Variants in ADAM2 observed in about 807,000 individuals in gnomAD.
The protein encoded by ADAM2 is disintegrin and metalloproteinase domain-containing protein 2.
Under a neutral mutation model 99.3 loss-of-function variants are expected in ADAM2, and 101 were observed. That is an observed-to-expected ratio of 1.02 (90% CI 0.87 to 1.20). ADAM2 has a LOEUF of 1.20. Among genes scored for constraint, ADAM2 ranks in the 50% most tolerant of loss-of-function variants. The pLI is 0.00. For synonymous variants in ADAM2, 323 were observed against 287.6 expected (o/e 1.12, Z -1.25); for missense variants, 948 against 878.7 (o/e 1.08, Z -1.00).
At position 39,777,136 on chromosome 8, in the gene ADAM2, G is replaced by A. The variant is rs768366466; in HGVS notation, c.917C>T (p.Ser306Leu). The A allele has an allele frequency of 6.2e-7, 1 of 1,611,316 alleles. No individual in the cohort carries two copies. Reference sequence around the variant, plus strand: ...TAATTGAGCTAAAATAACTGCAAGTGATTCCAGACTTATGGTTCTGGGGTG... The same window carrying A: ...TAATTGAGCTAAAATAACTGCAAGTAATTCCAGACTTATGGTTCTGGGGTG... Reference protein sequence around the residue: ...VLHPRTISLESLAVILAQLLS... With the variant: ...VLHPRTISLELLAVILAQLLS... The change falls in exon 11 of 21, where the codon TCA (serine) becomes TTA (leucine). Residue 306 changes from serine (S) to leucine (L), a missense_variant. By Grantham distance (145) the Ser-to-Leu change is moderately radical. Coordinates refer to ENST00000265708, the MANE Select transcript of ADAM2 (RefSeq NM_001464.5).
intron 11 of ADAM2, among the ~76,000 whole-genome samples, chr8:39,775,288 T>C (rs981592829): frequency 6.6e-5 from 10 of 152,130 alleles, no homozygotes; most frequent in African/African-American, 2.4e-4. Context: ...AACGCTGTTC[T>C]GGTGGAACTT....
chr8:39,744,690 G>A, intron 20 of ADAM2, 140 bp downstream of exon 20: 1 of 524,206 alleles, frequency 1.9e-6, no homozygotes, highest in Non-Finnish European at 3.3e-6. Flanking sequence ...TGCATGTGGG[G>A]CTTAAAACCT....
chr8:39,795,832 G>A (rs1305370253), intron 7 of ADAM2, among the ~76,000 whole-genome samples: 3 of 152,014 alleles, frequency 2.0e-5, no homozygotes, highest in Non-Finnish European at 4.4e-5. Context: ...GTATAAAGAA[G>A]CTAAAAATAT....
intron 10 of ADAM2, among the ~76,000 whole-genome samples, chr8:39,778,959 AAAC>A (rs1803109288): frequency 6.6e-6 from 1 of 152,074 alleles, no homozygotes; most frequent in Non-Finnish European, 1.5e-5. Flanking sequence ...ACTAAGATGG[AAAC>A]AACAAGATCC....
chr8:39,761,060 C>T, intron 15 of ADAM2, 116 bp downstream of exon 15: 1 of 522,248 alleles, frequency 1.9e-6, no homozygotes, highest in Non-Finnish European at 3.2e-6. Context: ...TTTGAATAAA[C>T]ATGGTCTTAC....
At chr8:39,768,981 T>A (rs1802673125) in intron 12 of ADAM2, among the ~76,000 whole-genome samples, 1 of 152,156 alleles carries the variant, frequency 6.6e-6, no homozygotes, top group African/African-American at 2.4e-5. Flanking sequence ...AAAGGAAAAT[T>A]TTTGAAAAGC....
rs1024733011 is a variant in ADAM2, at chr8:39,774,156, T to C, written c.1028+2869A>G. On this transcript the variant is annotated intron_variant, in intron 11 of 20. Coordinates refer to ENST00000265708, the MANE Select transcript of ADAM2 (RefSeq NM_001464.5). Reference sequence around the variant, plus strand: ...TAATGAAAACTCTGATAAATGAGGGTTACAAAGCTTTCTCAATCTGATTAA... The same window carrying C: ...TAATGAAAACTCTGATAAATGAGGGCTACAAAGCTTTCTCAATCTGATTAA... 2.0e-5 allele frequency among the ~76,000 whole-genome samples: 3 copies of C among 151,870 alleles called. 1 individual carries two copies.
chr8:39,801,455 AG>A (rs535028753), intron 7 of ADAM2, among the ~76,000 whole-genome samples: 1 of 152,042 alleles, frequency 6.6e-6, no homozygotes, highest in East Asian at 1.9e-4. Context: ...ACTCCTCTAT[AG>A]GGGGTCTGAC....
chr8:39,777,057 T>C lies in ADAM2; in HGVS notation c.996A>G (p.Ser332=), dbSNP rs1803018320. 1 of 1,596,538 alleles carries C rather than the reference T, an allele frequency of 6.3e-7. No individual in the cohort carries two copies. Among genetic ancestry groups the C allele is most frequent in the African/African-American group, 1.3e-5 (1 of 74,506 alleles). The change falls in exon 11 of 21, where the codon TCA becomes TCG. Residue 332 remains serine (S), a synonymous_variant. Transcript: ENST00000265708. The part of the protein sequence containing the change: ...TYDDINKCQC[S]GAVCIMNPEA... Reference sequence around the variant, plus strand: ...CTGGATTCATAATGCAGACAGCTCCTGAGCACTGGCATTTGTTAATGTCAT... The same window carrying C: ...CTGGATTCATAATGCAGACAGCTCCCGAGCACTGGCATTTGTTAATGTCAT...
At chr8:39,797,623 A>G (rs1804026072) in intron 7 of ADAM2, among the ~76,000 whole-genome samples, 3 of 152,204 alleles carry the variant, frequency 2.0e-5, no homozygotes, top group African/African-American at 4.8e-5. Flanking sequence ...TATTGAATCT[A>G]TAAATTACTT....
At chr8:39,788,781 C>T (rs1402964790) in intron 7 of ADAM2, 41 bp from the exon 8 acceptor site, 2 of 1,061,086 alleles carry the variant, frequency 1.9e-6, no homozygotes, top group Non-Finnish European at 2.6e-6. Flanking sequence ...ATATATATTG[C>T]TTAACATTTA....
At chr8:39,816,891 G>A (rs542576977) in intron 6 of ADAM2, among the ~76,000 whole-genome samples, 9 of 152,284 alleles carry the variant, frequency 5.9e-5, no homozygotes, top group Non-Finnish European at 7.3e-5. Flanking sequence ...TAGAATAGCA[G>A]TAATAGATGT....
chr8:39,783,755 T>A (rs886359131), intron 10 of ADAM2, among the ~76,000 whole-genome samples: 10 of 151,888 alleles, frequency 6.6e-5, no homozygotes, highest in Non-Finnish European at 1.2e-4. Flanking sequence ...ATCGAGACCA[T>A]CCTGGCTAAC....
intron 7 of ADAM2, among the ~76,000 whole-genome samples, chr8:39,801,545 G>A (rs1360307173): frequency 1.3e-5 from 2 of 152,174 alleles, no homozygotes; most frequent in African/African-American, 4.8e-5. Flanking sequence ...GTTCCTTGGT[G>A]GAGAGGGTGT....
rs372112518 is a variant in ADAM2 at position 39,746,634 on chromosome 8, A to G, written c.2015-3T>C. The G allele has an allele frequency of 7.0e-6, 11 of 1,561,372 alleles. No individual in the cohort carries two copies. The highest frequency in any genetic ancestry group is 9.5e-6 in the Non-Finnish European group (11 of 1,162,700). ...AATGTTCTCAATGTAGCGCCTTTCT[A>G]GAAGAAAAAAAAATCAAAGATTTGA... On this transcript the variant is annotated splice_region_variant and splice_polypyrimidine_tract_variant and intron_variant, in intron 18 of 20. Coordinates refer to ENST00000265708, the MANE Select transcript of ADAM2 (RefSeq NM_001464.5).
intron 10 of ADAM2, among the ~76,000 whole-genome samples, chr8:39,783,883 C>T (rs190315893): frequency 6.6e-5 from 10 of 151,458 alleles, no homozygotes; most frequent in South Asian, 4.2e-4. Flanking sequence ...ACCTGGGAGG[C>T]GGGGTGAGTC....
rs1390716006 is a variant in ADAM2, at chr8:39,743,764, A to G, written c.*331T>C. 6.6e-6 allele frequency: 1 copy of G among 152,176 alleles called. No homozygotes were observed. Among genetic ancestry groups the G allele is most frequent in the Non-Finnish European group, 1.5e-5 (1 of 67,998 alleles). 9.4% of individuals were successfully genotyped at this position (152,176 alleles called of 1,614,324 possible). On this transcript the variant is annotated 3_prime_UTR_variant, in exon 21 of 21. Coordinates refer to ENST00000265708, the MANE Select transcript of ADAM2 (RefSeq NM_001464.5). ...AAATGTAACAGTGGCTTTTAATCAT[A>G]GTACCACCTCATTACATTATGATAT...
At chr8:39,746,037 C>A (rs201977) in intron 19 of ADAM2, among the ~76,000 whole-genome samples, 81,733 of 150,912 alleles carry the variant, frequency 0.54, 22,482 homozygotes, top group East Asian at 0.86. Context: ...ATAATTTTTT[C>A]TTTTTTGAGT....
rs971879626 is a variant in ADAM2 at position 39,801,652 on chromosome 8, C to T, written c.570+7758G>A. On this transcript the variant is annotated intron_variant, in intron 7 of 20. Coordinates refer to ENST00000265708, the MANE Select transcript of ADAM2 (RefSeq NM_001464.5). ...TCTGCTGGTCCACAGAGACTGGGGC[C>T]GCCCCTCCCCCTGGGGGCTCAGGCT... Among the ~76,000 whole-genome samples, 13 of 152,136 alleles carry T rather than the reference C, an allele frequency of 8.5e-5. No homozygotes were observed. The South Asian group carries it at 1.2e-3, about 15-fold the overall frequency.
Sources: gnomAD v4.1 joint callset for allele counts (sites outside exome capture counted in the v4.1 genomes callset) on GRCh38, gnomAD v4.1.1 for gene constraint, MANE v1.5 for transcripts, NCBI Gene and HGNC (gene_info 2026-07-23, HGNC 2026-07-21) for gene names.